NELFB: variants seen among roughly 807,000 people sequenced by gnomAD.
NELFB encodes negative elongation factor B.
NELFB carries 34 observed loss-of-function variants against 60.2 expected under a neutral mutation model. That is an observed-to-expected ratio of 0.56 (90% CI 0.43 to 0.75). The LOEUF (loss-of-function observed/expected upper bound fraction) is 0.75. Among genes scored for constraint, NELFB ranks in the 30% least tolerant of loss-of-function variants. The pLI is 0.00. For synonymous variants in NELFB, 459 were observed against 382.1 expected (o/e 1.20, Z -2.35); for missense variants, 770 against 831.6 (o/e 0.93, Z 0.91).
At position 137,255,958 on chromosome 9, in the gene NELFB, G is replaced by A. The variant is rs1376619467; in HGVS notation, c.298G>A (p.Asp100Asn). The change falls in exon 2 of 13, where the codon GAC becomes AAC. Residue 100 changes from aspartate to asparagine, a missense_variant. By Grantham distance (23) the Asp-to-Asn change is conservative. Coordinates refer to ENST00000343053, the MANE Select transcript of NELFB (RefSeq NM_015456.5). ...TCTTCAGTCAGCCCTCCCCTTCTTG[G>A]ACCTGCACGGGACGCCGCGGCTGGA... The A allele has an allele frequency of 6.2e-7, 1 of 1,613,890 alleles. No homozygotes were observed. The highest frequency in any genetic ancestry group is 1.3e-5 in the African/African-American group (1 of 74,914).
At chr9:137,259,183 A>T (rs1375438829) in intron 4 of NELFB, among the ~76,000 whole-genome samples, 1 of 151,432 alleles carries the variant, frequency 6.6e-6, no homozygotes, top group Non-Finnish European at 1.5e-5. Context: ...AGAGTGAGAG[A>T]TCCTGTCTCA....
chr9:137,260,742 C>T (rs1830428990), intron 4 of NELFB, among the ~76,000 whole-genome samples: 1 of 151,146 alleles, frequency 6.6e-6, no homozygotes, highest in South Asian at 2.1e-4. Context: ...TGTGAGCCAC[C>T]GTGCCCAGCC....
chr9:137,264,018 G>A (rs766353348), intron 5 of NELFB, among the ~76,000 whole-genome samples: 6 of 152,202 alleles, frequency 3.9e-5, no homozygotes, highest in Non-Finnish European at 7.3e-5. Flanking sequence ...GAAGGAGTCC[G>A]TTTTTAGAAA....
chr9:137,263,086 A>G lies in NELFB; in HGVS notation c.791A>G (p.Asp264Gly). Residue 264 changes from aspartate to glycine, a missense_variant, in exon 5 of 13, where the codon GAC becomes GGC. Transcript: ENST00000343053. ...GTGGGGAAGAACGTGAAGCTGTACGACATGGTGCTGCAGTTTCTGCGCACG... is the reference window on the plus strand; with the variant it reads ...GTGGGGAAGAACGTGAAGCTGTACGGCATGGTGCTGCAGTTTCTGCGCACG... 1 of 1,614,060 alleles carries G rather than the reference A, an allele frequency of 6.2e-7. No individual in the cohort carries two copies. The highest frequency in any genetic ancestry group is 8.5e-7 in the Non-Finnish European group (1 of 1,179,948).
At chr9:137,272,666 G>A (rs369591042) in intron 12 of NELFB, 51 bp downstream of exon 12, 139 of 1,540,482 alleles carry the variant, frequency 9.0e-5, no homozygotes, top group South Asian at 6.9e-4. Context: ...CTACCAGCCC[G>A]TGTGTGCTTG....
chr9:137,272,976 C>A lies in NELFB; in HGVS notation c.*48C>A, dbSNP rs979136575. The A allele has an allele frequency of 6.2e-6, 9 of 1,460,768 alleles. No individual in the cohort carries two copies. Among genetic ancestry groups the A allele is most frequent in the Non-Finnish European group, 3.6e-6 (4 of 1,102,458 alleles). The allele number at this position is 1,460,768 out of a possible 1,614,324, so 90.5% of individuals were successfully genotyped here. ...TGCTGGGGCCATGCCGAGTCGCGGCCCTGCTCAGCCGGAAGAGGCTCCCGG... is the reference window on the plus strand; with the variant it reads ...TGCTGGGGCCATGCCGAGTCGCGGCACTGCTCAGCCGGAAGAGGCTCCCGG... On this transcript the variant is annotated 3_prime_UTR_variant, in exon 13 of 13. Transcript: ENST00000343053.
chr9:137,272,704 T>TGGTC (rs1830598801), intron 12 of NELFB, 78 bp from the exon 13 acceptor site: 2 of 1,521,534 alleles, frequency 1.3e-6, no homozygotes, highest in Non-Finnish European at 1.8e-6. Context: ...TGCTTGTGTG[T>TGGTC]GGTCGGTGGG....
intron 4 of NELFB, among the ~76,000 whole-genome samples, chr9:137,262,579 A>T (rs944000812): frequency 1.3e-5 from 2 of 152,254 alleles, no homozygotes; most frequent in African/African-American, 2.4e-5. Context: ...ATATAATCAT[A>T]TCTATGATCT....
chr9:137,272,706 G>C, intron 12 of NELFB, 76 bp from the exon 13 acceptor site: 1 of 1,520,406 alleles, frequency 6.6e-7, no homozygotes, highest in Admixed American at 2.0e-5. Context: ...CTTGTGTGTG[G>C]TCGGTGGGCA....
rs1283820132 is a variant in NELFB at position 137,264,277 on chromosome 9, G to A, written c.960G>A (p.Glu320=). 1.9e-6 allele frequency: 3 copies of A among 1,603,070 alleles called. No individual in the cohort carries two copies. Among genetic ancestry groups the A allele is most frequent in the Non-Finnish European group, 8.5e-7 (1 of 1,175,942 alleles). ...GGTGCCTGGACGCCTGCATCCGAGA[G>A]CGGTTCGTGGACAGCAAGAGGGCGC... Residue 320 remains glutamate (E), a synonymous_variant, in exon 6 of 13, where the codon GAG becomes GAA. Coordinates refer to ENST00000343053, the MANE Select transcript of NELFB (RefSeq NM_015456.5).
At chr9:137,259,849 C>CG (rs1830408745) in intron 4 of NELFB, among the ~76,000 whole-genome samples, 1 of 149,762 alleles carries the variant, frequency 6.7e-6, no homozygotes. Context: ...CTCAGCCTCC[C>CG]AAGTAGCTGG....
At chr9:137,262,182 C>T (rs1830456488) in intron 4 of NELFB, among the ~76,000 whole-genome samples, 1 of 152,144 alleles carries the variant, frequency 6.6e-6, no homozygotes, top group South Asian at 2.1e-4. Flanking sequence ...TAACTGCGGG[C>T]AGGTCTGACT....
chr9:137,258,819 A>G (rs1189464881), intron 4 of NELFB, among the ~76,000 whole-genome samples: 1 of 152,184 alleles, frequency 6.6e-6, no homozygotes, highest in Non-Finnish European at 1.5e-5. Flanking sequence ...ATTTTTCAGC[A>G]TCCACATTAA....
intron 10 of NELFB, 126 bp from the exon 11 acceptor site, chr9:137,271,955 C>A: frequency 8.1e-7 from 1 of 1,229,572 alleles, no homozygotes. Context: ...TGCTTCTCAT[C>A]TCAGAACAAC....
At chr9:137,263,486 C>T (rs1433753202) in intron 5 of NELFB, among the ~76,000 whole-genome samples, 2 of 143,360 alleles carry the variant, frequency 1.4e-5, no homozygotes, top group East Asian at 4.1e-4. Flanking sequence ...CTCTGCCCCT[C>T]CTGAAGGTAG....
Position 137,256,434 on chromosome 9 carries a change from G to A in NELFB, c.510+6G>A. Reference sequence around the variant, plus strand: ...TCATGAAGCACCTGCCCAAGGTAGGGCCCTAACCCTAACCCTGATGGCGTG... The same window carrying A: ...TCATGAAGCACCTGCCCAAGGTAGGACCCTAACCCTAACCCTGATGGCGTG... On this transcript the variant is annotated splice_donor_region_variant and intron_variant, in intron 3 of 12. Transcript: ENST00000343053. The A allele has an allele frequency of 6.2e-7, 1 of 1,612,592 alleles. No individual in the cohort carries two copies. Among genetic ancestry groups the A allele is most frequent in the Non-Finnish European group, 8.5e-7 (1 of 1,179,386 alleles).
chr9:137,257,138 C>T (rs574859433), intron 4 of NELFB, 84 bp downstream of exon 4: 6 of 1,186,764 alleles, frequency 5.1e-6, no homozygotes, highest in Middle Eastern at 2.3e-4. Flanking sequence ...GATCAGCACT[C>T]TGCTGCCCTG....
intron 4 of NELFB, among the ~76,000 whole-genome samples, chr9:137,260,216 T>C (rs1046900267): frequency 6.9e-6 from 1 of 145,642 alleles, no homozygotes; most frequent in African/African-American, 2.5e-5. Context: ...CGCCCAGCTA[T>C]GTTTTTTGTA....
In NELFB at chr9:137,264,294, A is replaced by G; in HGVS notation, c.977A>G (p.Lys326Arg). The G allele has an allele frequency of 1.2e-6, 2 of 1,605,224 alleles. No individual in the cohort carries two copies. The highest frequency in any genetic ancestry group is 8.5e-7 in the Non-Finnish European group (1 of 1,177,020). ...ATCCGAGAGCGGTTCGTGGACAGCA[A>G]GAGGGCGCGGGAGCTGCAGGGGTTT... The change falls in exon 6 of 13, where the codon AAG becomes AGG. Residue 326 changes from lysine (K) to arginine (R), a missense_variant. Lys to Arg is a conservative substitution (Grantham distance 26). Coordinates refer to ENST00000343053, the MANE Select transcript of NELFB (RefSeq NM_015456.5).
Sources: gnomAD v4.1 joint callset for allele counts (sites outside exome capture counted in the v4.1 genomes callset) on GRCh38, gnomAD v4.1.1 for gene constraint, MANE v1.5 for transcripts, NCBI Gene and HGNC (gene_info 2026-07-23, HGNC 2026-07-21) for gene names.